Variants in KRT6B observed in about 807,000 individuals in gnomAD.
The protein encoded by KRT6B is keratin, type II cytoskeletal 6B.
In KRT6B, 29 loss-of-function variants were observed where a neutral mutation model predicts 44.7. That is an observed-to-expected ratio of 0.65 (90% CI 0.48 to 0.88). The LOEUF is 0.88. Ranked by LOEUF, KRT6B falls within the 40% of genes least tolerant of loss-of-function variation. The probability of loss-of-function intolerance (pLI) is 0.00; values close to 1 mark genes in which losing one functional copy is unlikely to be tolerated. For missense variants in KRT6B, 600 were observed against 724.0 expected, an observed-to-expected ratio of 0.83 and a Z score of 1.97; for synonymous variants, 213 against 296.0, an observed-to-expected ratio of 0.72 and a Z score of 2.88.
chr12:52,450,258 A>G, intron 2 of KRT6B, 148 bp downstream of exon 2: 7 of 1,434,442 alleles, frequency 4.9e-6, no homozygotes, highest in Non-Finnish European at 6.8e-6. Context: ...ATCCTCCCAT[A>G]ACCATCTGTG....
chr12:52,451,119 C>T (rs1309802271), intron 1 of KRT6B, among the ~76,000 whole-genome samples: 14 of 151,484 alleles, frequency 9.2e-5, no homozygotes, highest in Non-Finnish European at 1.6e-4. Context: ...GTTTCTATGT[C>T]CCTTTTTTTC....
chr12:52,447,530 G>A lies in KRT6B; in HGVS notation c.1459+9C>T, dbSNP rs762604306. 16 of 1,613,930 alleles carry A rather than the reference G, an allele frequency of 9.9e-6. No individual in the cohort carries two copies. The Admixed American group carries it at 1.2e-4, about 12-fold the overall frequency. ...AGGGCAGGGGAGGAAGGCAAACAAA[G>A]GTACTTACAGATGTTGACTTGTCCA... On this transcript the variant is annotated intron_variant, in intron 8 of 8. Transcript: ENST00000252252.
At chr12:52,447,651 G>C in intron 7 of KRT6B, 78 bp from the exon 8 acceptor site, 1 of 1,613,816 alleles carries the variant, frequency 6.2e-7, no homozygotes, top group Non-Finnish European at 8.5e-7. Flanking sequence ...AAAGTCCATG[G>C]GAAAACTTTT....
rs774086396 is a variant in KRT6B, at chr12:52,447,363, C to G, written c.1522G>C (p.Gly508Arg). 2.5e-6 allele frequency: 4 copies of G among 1,614,020 alleles called. No individual in the cohort carries two copies. In the Admixed American group the frequency reaches 5.0e-5, roughly 20 times the overall value. Residue 508 changes from glycine (G) to arginine (R), a missense_variant, in exon 9 of 9, where the codon GGC (glycine) becomes CGC (arginine). Physicochemically the swap from Gly to Arg is moderately radical, Grantham distance 125. Transcript: ENST00000252252. ...GGASGVGSGL[G>R]LGGGSSYSYG... ...GAGTAGCTGCTTCCTCCACCCAGGC[C>G]TAAGCCACTGCCGACACCGCTGGCA...
intron 1 of KRT6B, 33 bp from the exon 2 acceptor site, chr12:52,450,653 A>G: frequency 3.1e-6 from 5 of 1,613,990 alleles, no homozygotes; most frequent in Non-Finnish European, 4.2e-6. Context: ...ATTTTCCAGG[A>G]AAAGGAAGGC....
At position 52,447,080 on chromosome 12, in the gene KRT6B, G is replaced by C. The variant is rs75893729; in HGVS notation, c.*110C>G. On this transcript the variant is annotated 3_prime_UTR_variant, in exon 9 of 9. Coordinates refer to ENST00000252252, the MANE Select transcript of KRT6B (RefSeq NM_005555.4). ...AAGTGAGGGCATCCCAGCTCTACCC[G>C]GGAGGGCAGGGGAGACTGGAGGCCA... 7.5e-3 allele frequency: 10,405 copies of C among 1,392,602 alleles called. 413 individuals carry two copies. The African/African-American group carries it at 0.11, about 14-fold the overall frequency. The allele number at this position is 1,392,602 out of a possible 1,614,324, so 86.3% of individuals were successfully genotyped here.
intron 6 of KRT6B, 146 bp downstream of exon 6, chr12:52,448,696 G>A: frequency 1.5e-6 from 2 of 1,331,358 alleles, no homozygotes; most frequent in South Asian, 2.5e-5. Flanking sequence ...GAGCCAGAGT[G>A]TTCTCACTGA....
At position 52,448,836 on chromosome 12, in the gene KRT6B, C is replaced by G; in HGVS notation, c.1203+6G>C. ...TGCTTTTCTCCTCCATTGCCCCTCA[C>G]CATACCTGCTTCTTGACGTGGTCGA... On this transcript the variant is annotated splice_donor_region_variant and intron_variant, in intron 6 of 8. Coordinates refer to ENST00000252252, the MANE Select transcript of KRT6B (RefSeq NM_005555.4). The G allele has an allele frequency of 6.2e-7, 1 of 1,614,192 alleles. No individual in the cohort carries two copies. The highest frequency in any genetic ancestry group is 8.5e-7 in the Non-Finnish European group (1 of 1,180,048).
In KRT6B at chr12:52,450,606, C is replaced by T; in HGVS notation, c.555G>A (p.Glu185=). The T allele has an allele frequency of 1.2e-6, 2 of 1,614,152 alleles. No homozygotes were observed. Among genetic ancestry groups the T allele is most frequent in the East Asian group, 2.2e-5 (1 of 44,896 alleles). Residue 185 remains glutamate (E), a synonymous_variant, in exon 2 of 9, where the codon GAG becomes GAA. Coordinates refer to ENST00000252252, the MANE Select transcript of KRT6B (RefSeq NM_005555.4). ...ASFIDKVRFL[E]QQNKVLDTKW... ...TGGTGTCCAGAACCTTGTTCTGCTG[C>T]TCTAGGAACCGCACCTGGAGGGGAA...
chr12:52,446,958 G>A lies in KRT6B; in HGVS notation c.*232C>T, dbSNP rs552132387. 1.1e-4 allele frequency: 68 copies of A among 594,540 alleles called. No homozygotes were observed. The highest frequency in any genetic ancestry group is 8.5e-4 in the East Asian group (30 of 35,502). The allele number at this position is 594,540 out of a possible 1,614,324, so 36.8% of individuals were successfully genotyped here. On this transcript the variant is annotated 3_prime_UTR_variant, in exon 9 of 9. Coordinates refer to ENST00000252252, the MANE Select transcript of KRT6B (RefSeq NM_005555.4). Reference sequence around the variant, plus strand: ...CAGACTCAGATACCTGTAATAATACGGGAACTAAAAAGGACATTCGCATGT... The same window carrying A: ...CAGACTCAGATACCTGTAATAATACAGGAACTAAAAAGGACATTCGCATGT...
intron 5 of KRT6B, 53 bp from the exon 6 acceptor site, chr12:52,449,020 G>A: frequency 6.3e-7 from 1 of 1,591,482 alleles, no homozygotes; most frequent in Non-Finnish European, 8.6e-7. Context: ...TTACCTGGGA[G>A]CGATGACTTT....
rs752780925 is a variant in KRT6B at position 52,448,828 on chromosome 12, G to T, written c.1203+14C>A. The T allele has an allele frequency of 9.9e-6, 16 of 1,614,022 alleles. No homozygotes were observed. The highest frequency in any genetic ancestry group is 1.4e-5 in the Non-Finnish European group (16 of 1,180,002). On this transcript the variant is annotated intron_variant, in intron 6 of 8. Transcript: ENST00000252252. ...AAAAATGATGCTTTTCTCCTCCATT[G>T]CCCCTCACCATACCTGCTTCTTGAC...
chr12:52,448,312 G>T (rs1020065594), intron 6 of KRT6B, among the ~76,000 whole-genome samples: 11 of 152,144 alleles, frequency 7.2e-5, no homozygotes, highest in African/African-American at 2.7e-4. Flanking sequence ...AACCATTTTT[G>T]ATGACCTTAC....
rs1940320226 is a variant in KRT6B, at chr12:52,446,973, C to T, written c.*217G>A. The T allele has an allele frequency of 2.0e-5, 12 of 613,670 alleles. No homozygotes were observed. Among genetic ancestry groups the T allele is most frequent in the Non-Finnish European group, 3.4e-5 (12 of 350,010 alleles). The allele number at this position is 613,670 out of a possible 1,614,324, so 38.0% of individuals were successfully genotyped here. A position where few individuals can be genotyped will look rare whatever the true frequency, so the allele number is the denominator to read the frequency against. On this transcript the variant is annotated 3_prime_UTR_variant, in exon 9 of 9. Coordinates refer to ENST00000252252, the MANE Select transcript of KRT6B (RefSeq NM_005555.4). ...GTAATAATACGGGAACTAAAAAGGACATTCGCATGTCTGAGTGCTGATAAC... is the reference window on the plus strand; with the variant it reads ...GTAATAATACGGGAACTAAAAAGGATATTCGCATGTCTGAGTGCTGATAAC...
In KRT6B at chr12:52,449,826, C is replaced by T. The variant is rs753361235; in HGVS notation, c.844G>A (p.Val282Ile). Residue 282 changes from valine to isoleucine, a missense_variant, in exon 4 of 9, where the codon GTT becomes ATT. Transcript: ENST00000252252. ...GTGTCTGCCTTGGCTTGCAGTTCAA[C>T]CTTGTTCATGTAGGCAGCATCCACA... The part of the protein sequence containing the change: ...KDVDAAYMNK[V>I]ELQAKADTLT... The T allele has an allele frequency of 6.2e-6, 10 of 1,613,856 alleles. No homozygotes were observed. The highest frequency in any genetic ancestry group is 7.6e-6 in the Non-Finnish European group (9 of 1,179,902).
Position 52,452,089 on chromosome 12 carries a change from G to A in KRT6B, c.-11C>T. On this transcript the variant is annotated 5_prime_UTR_variant, in exon 1 of 9. Transcript: ENST00000252252. ...GGATGTGCTGGCCATGGTTCCAGGAGATGAGAGGGCTTAGGAGAGTGTGAG... is the reference window on the plus strand; with the variant it reads ...GGATGTGCTGGCCATGGTTCCAGGAAATGAGAGGGCTTAGGAGAGTGTGAG... 2 of 1,614,174 alleles carry A rather than the reference G, an allele frequency of 1.2e-6. No individual in the cohort carries two copies. Among genetic ancestry groups the A allele is most frequent in the African/African-American group, 1.3e-5 (1 of 75,054 alleles).
At position 52,447,800 on chromosome 12, in the gene KRT6B, G is replaced by A; in HGVS notation, c.1402C>T (p.Leu468=). The change falls in exon 7 of 9, where the codon CTG becomes TTG. Residue 468 remains leucine (L), a synonymous_variant. Transcript: ENST00000252252. ...LDVEIATYRK[L]LEGEECRLNG... is the part of the protein sequence containing the mutation. Reference sequence around the variant, plus strand: ...CACCTGCACTCCTCGCCCTCCAGCAGCTTGCGGTAGGTGGCGATCTCCACA... The same window carrying A: ...CACCTGCACTCCTCGCCCTCCAGCAACTTGCGGTAGGTGGCGATCTCCACA... 4 of 1,614,180 alleles carry A rather than the reference G, an allele frequency of 2.5e-6. No individual in the cohort carries two copies. Among genetic ancestry groups the A allele is most frequent in the Non-Finnish European group, 3.4e-6 (4 of 1,180,038 alleles).
At chr12:52,450,099 T>C (rs763478695) in intron 2 of KRT6B, 27 bp from the exon 3 acceptor site, 1 of 1,613,834 alleles carries the variant, frequency 6.2e-7, no homozygotes, top group Admixed American at 1.7e-5. Flanking sequence ...ATGGGACACA[T>C]TTGAGCCAGT....
At chr12:52,450,325 G>A (rs1940376903) in intron 2 of KRT6B, 81 bp downstream of exon 2, 1 of 1,521,334 alleles carries the variant, frequency 6.6e-7, no homozygotes, top group Admixed American at 1.7e-5. Flanking sequence ...CATGGACATG[G>A]GTTGTTAGGA....
Sources: allele counts gnomAD v4.1 joint callset (sites outside exome capture counted in the v4.1 genomes callset), GRCh38; gene constraint gnomAD v4.1.1; transcripts MANE v1.5; gene names NCBI Gene and HGNC (gene_info 2026-07-23, HGNC 2026-07-21).